Variants in ILK observed in about 807,000 individuals in gnomAD.
ILK encodes integrin linked kinase.
Under a neutral mutation model 57.8 loss-of-function variants are expected in ILK, and 37 were observed. The ratio of observed to expected loss-of-function variants is 0.64; its 90% confidence interval spans 0.49 to 0.84. ILK has a LOEUF of 0.84. ILK is among the 40% of genes least tolerant of loss of function. The probability of loss-of-function intolerance (pLI) is 0.00; values close to 1 mark genes in which losing one functional copy is unlikely to be tolerated. For synonymous variants in ILK, 231 were observed against 202.2 expected, an observed-to-expected ratio of 1.14 and a Z score of -1.21; for missense variants, 528 against 595.7, an observed-to-expected ratio of 0.89 and a Z score of 1.18.
Position 6,609,646 on chromosome 11 carries a change from A to T in ILK, c.856+7A>T. ...GTACTACATGAAGGCACCAGTGAGT[A>T]GGGATGTTGAATTTCCTTGGGGAGG... On this transcript the variant is annotated splice_region_variant and intron_variant, in intron 9 of 12. Coordinates refer to ENST00000299421, the MANE Select transcript of ILK (RefSeq NM_004517.4). 6.2e-7 allele frequency: 1 copy of T among 1,614,174 alleles called. No homozygotes were observed. The highest frequency in any genetic ancestry group is 8.5e-7 in the Non-Finnish European group (1 of 1,180,030).
intron 2 of ILK, chr11:6,607,018 C>A (rs11602107): frequency 0.18 from 27,920 of 152,316 alleles, 3,242 homozygotes; most frequent in Non-Finnish European, 0.25. Context: ...GCCACACCCC[C>A]CAACCCCTTC....
rs776120061 is a variant in ILK, at chr11:6,608,161, A to AC, written c.211dup (p.Leu71ProfsTer11). On this transcript the variant is annotated frameshift_variant, in exon 3 of 13. Coordinates refer to ENST00000299421, the MANE Select transcript of ILK (RefSeq NM_004517.4). LOFTEE classifies it high-confidence loss of function. This position sits in a 1 kb window ranked among gnomAD's most constrained non-coding sequence, Gnocchi z 4.9. The stretch of plus-strand genomic sequence containing the variant: ...CAATGTAATGAACCGTGGGGATGAC[A>AC]CCCCCCTGCATCTGGCAGCCAGTCA... The AC allele has an allele frequency of 6.2e-6, 10 of 1,613,562 alleles. No individual in the cohort carries two copies. Among genetic ancestry groups the AC allele is most frequent in the East Asian group, 2.2e-5 (1 of 44,874 alleles).
At chr11:6,610,094 G>C in intron 11 of ILK, 54 bp from the exon 12 acceptor site, 1 of 1,614,074 alleles carries the variant, frequency 6.2e-7, no homozygotes. Flanking sequence ...TAGTGGAAGG[G>C]GGCAGAGACA....
chr11:6,609,041 G>A, intron 6 of ILK, 30 bp from the exon 7 acceptor site: 1 of 1,612,286 alleles, frequency 6.2e-7, no homozygotes, highest in South Asian at 1.1e-5. Flanking sequence ...TTAGGGTGAA[G>A]CTGGGTACCT....
rs548542841 is a variant in ILK, at chr11:6,609,152, G to A, written c.614G>A (p.Gly205Glu). 2.4e-5 allele frequency: 38 copies of A among 1,613,762 alleles called. No homozygotes were observed. The South Asian group carries it at 3.7e-4, about 16-fold the overall frequency. ...FLTKLNENHSGELWKGRWQGN... is the reference protein window; with the variant it reads ...FLTKLNENHSEELWKGRWQGN... Reference sequence around the variant, plus strand: ...ACGAAGCTCAACGAGAATCACTCTGGAGAGGTGACCCCTGCCCTTCTTGCC... The same window carrying A: ...ACGAAGCTCAACGAGAATCACTCTGAAGAGGTGACCCCTGCCCTTCTTGCC... Residue 205 changes from glycine (G) to glutamate (E), a missense_variant, in exon 7 of 13, where the codon GGA (glycine) becomes GAA (glutamate). Transcript: ENST00000299421.
At chr11:6,604,489 G>A (rs558138591) in intron 2 of ILK, 129 bp downstream of exon 2, 41 of 798,058 alleles carry the variant, frequency 5.1e-5, no homozygotes, top group African/African-American at 5.1e-5. Context: ...CATAGCCTGT[G>A]GGGGGCAGAG....
chr11:6,604,105 T>C (rs2555177), intron 1 of ILK, 75 bp from the exon 2 acceptor site: 1 of 679,588 alleles, frequency 1.5e-6, no homozygotes, highest in Non-Finnish European at 2.6e-6. Context: ...AGCCCCGAAC[T>C]CCTTCACAGA....
At position 6,608,829 on chromosome 11, in the gene ILK, C is replaced by T; in HGVS notation, c.448+39C>T. On this transcript the variant is annotated intron_variant, in intron 5 of 12. Transcript: ENST00000299421. This position sits in a 1 kb window ranked among gnomAD's most constrained non-coding sequence, Gnocchi z 4.9. ...TCCCCTAGCTTGTGTCCTCTCGTCC[C>T]TTCCCACCTGTCTTCTCCCTCTGTA... 1 of 1,612,702 alleles carries T rather than the reference C, an allele frequency of 6.2e-7. No individual in the cohort carries two copies. Among genetic ancestry groups the T allele is most frequent in the Non-Finnish European group, 8.5e-7 (1 of 1,178,722 alleles).
intron 12 of ILK, 32 bp downstream of exon 12, chr11:6,610,310 G>A (rs765395709): frequency 3.7e-5 from 60 of 1,613,948 alleles, no homozygotes; most frequent in Admixed American, 5.0e-5. Context: ...TTTGTGTTGC[G>A]GGAGTGGTTG....
chr11:6,607,860 T>C (rs1473605421), intron 2 of ILK, 186 bp from the exon 3 acceptor site: 16 of 609,398 alleles, frequency 2.6e-5, no homozygotes, highest in Non-Finnish European at 4.4e-5. Context: ...ATCTAGGTGG[T>C]TGGTTTGGTT....
intron 2 of ILK, among the ~76,000 whole-genome samples, chr11:6,605,209 G>A (rs1854739728): frequency 6.6e-6 from 1 of 152,104 alleles, no homozygotes; most frequent in African/African-American, 2.4e-5. Flanking sequence ...ATCTGACTTG[G>A]AGACACAGAT....
Position 6,610,448 on chromosome 11 carries a change from T to C in ILK, c.1210-14T>C. 3 of 1,614,232 alleles carry C rather than the reference T, an allele frequency of 1.9e-6. No individual in the cohort carries two copies. Among genetic ancestry groups the C allele is most frequent in the Non-Finnish European group, 2.5e-6 (3 of 1,180,042 alleles). On this transcript the variant is annotated splice_polypyrimidine_tract_variant and intron_variant, in intron 12 of 12. Coordinates refer to ENST00000299421, the MANE Select transcript of ILK (RefSeq NM_004517.4). Reference sequence around the variant, plus strand: ...ACTCAAATTGTGAGGCTGCTTTTTTTCTTGTATTCGCAGGTGGCATTGGAA... The same window carrying C: ...ACTCAAATTGTGAGGCTGCTTTTTTCCTTGTATTCGCAGGTGGCATTGGAA...
intron 2 of ILK, chr11:6,605,071 T>C (rs893559307): frequency 1.2e-5 from 4 of 345,058 alleles, no homozygotes; most frequent in Non-Finnish European, 2.3e-5. Flanking sequence ...TGGTTGTTTT[T>C]ACTGAGATGG....
At position 6,604,354 on chromosome 11, in the gene ILK, A is replaced by C; in HGVS notation, c.83A>C (p.Asn28Thr). The C allele has an allele frequency of 6.2e-7, 1 of 1,607,686 alleles. No individual in the cohort carries two copies. The highest frequency in any genetic ancestry group is 8.5e-7 in the Non-Finnish European group (1 of 1,177,188). The part of the protein sequence containing the change: ...LWLDNTENDL[N>T]QGDDHGFSPL... ...CTGGACAACACGGAGAACGACCTCA[A>C]CCAGGGGTGAGCTGAAACGGTTGGT... Residue 28 changes from asparagine (N) to threonine (T), a missense_variant, in exon 2 of 13, where the codon AAC (asparagine) becomes ACC (threonine). Asn to Thr is a moderately conservative substitution (Grantham distance 65). Transcript: ENST00000299421.
rs1855173546 is a variant in ILK, at chr11:6,608,579, A to G, written c.351+90A>G. 6 of 1,340,896 alleles carry G rather than the reference A, an allele frequency of 4.5e-6. No homozygotes were observed. Among genetic ancestry groups the G allele is most frequent in the African/African-American group, 1.4e-5 (1 of 69,478 alleles). 83.1% of individuals were successfully genotyped at this position (1,340,896 alleles called of 1,614,324 possible). A position where few individuals can be genotyped will look rare whatever the true frequency, so the allele number is the denominator to read the frequency against. On this transcript the variant is annotated intron_variant, in intron 4 of 12. Coordinates refer to ENST00000299421, the MANE Select transcript of ILK (RefSeq NM_004517.4). This position sits in a 1 kb window ranked among gnomAD's most constrained non-coding sequence, Gnocchi z 4.9. Reference sequence around the variant, plus strand: ...TTTGGAACCCTCAACCCATTCTGTCAGTACTACTGTGTGACACTTACAGGA... The same window carrying G: ...TTTGGAACCCTCAACCCATTCTGTCGGTACTACTGTGTGACACTTACAGGA...
chr11:6,609,928 T>C lies in ILK; in HGVS notation c.979-8T>C, dbSNP rs764825791. The C allele has an allele frequency of 5.6e-6, 9 of 1,614,120 alleles. No homozygotes were observed. In the South Asian group the frequency reaches 8.8e-5, roughly 16 times the overall value. On this transcript the variant is annotated splice_polypyrimidine_tract_variant and splice_region_variant and intron_variant, in intron 10 of 12. Transcript: ENST00000299421. ...CTTACCTCCTTCTATCTGTTTTCTC[T>C]TCCTCAGATTGATGAGGACATGACT...
At position 6,608,031 on chromosome 11, in the gene ILK, GC is replaced by G; in HGVS notation, c.90-11del. 2 of 1,613,516 alleles carry G rather than the reference GC, an allele frequency of 1.2e-6. No homozygotes were observed. The highest frequency in any genetic ancestry group is 1.3e-5 in the African/African-American group (1 of 74,970). On this transcript the variant is annotated splice_polypyrimidine_tract_variant and intron_variant, in intron 2 of 12. Coordinates refer to ENST00000299421, the MANE Select transcript of ILK (RefSeq NM_004517.4). The surrounding 1 kb of genome is among the most constrained non-coding windows in gnomAD (Gnocchi z 4.9). ...TCCCACCTCCAGCTCAATGACCATT[GC>G]CCCTTCCTCAAAGGGACGATCATGG... is the stretch of plus-strand genomic sequence containing the variant.
chr11:6,610,134 C>T lies in ILK; in HGVS notation c.1079-14C>T, dbSNP rs776003441. The stretch of plus-strand genomic sequence containing the variant: ...AGGCAAGGGGGCCAGAACAGACAAG[C>T]CCTATCTCTCCAGCTCTGCAGAAGA... On this transcript the variant is annotated splice_polypyrimidine_tract_variant and intron_variant, in intron 11 of 12. Transcript: ENST00000299421. The T allele has an allele frequency of 1.2e-6, 2 of 1,614,192 alleles. No homozygotes were observed. The highest frequency in any genetic ancestry group is 8.5e-7 in the Non-Finnish European group (1 of 1,180,032).
Position 6,604,307 on chromosome 11 carries a change from C to T in ILK, c.36C>T (p.Asn12=), listed in dbSNP as rs199789449. 1.3e-4 allele frequency: 208 copies of T among 1,612,938 alleles called. 3 individuals are homozygous for T. In the East Asian group the frequency reaches 4.3e-3, roughly 34 times the overall value. Residue 12 remains asparagine, a synonymous_variant, in exon 2 of 13, where the codon AAC becomes AAT. Coordinates refer to ENST00000299421, the MANE Select transcript of ILK (RefSeq NM_004517.4). The part of the protein sequence containing the change: ...DDIFTQCREG[N]AVAVRLWLDN... Reference sequence around the variant, plus strand: ...TTTTCACTCAGTGCCGGGAGGGCAACGCAGTCGCCGTTCGCCTGTGGCTGG... The same window carrying T: ...TTTTCACTCAGTGCCGGGAGGGCAATGCAGTCGCCGTTCGCCTGTGGCTGG...
Sources: allele counts gnomAD v4.1 joint callset (sites outside exome capture counted in the v4.1 genomes callset), GRCh38; gene constraint gnomAD v4.1.1; non-coding constraint Gnocchi (gnomAD v3.1); transcripts MANE v1.5; gene names NCBI Gene and HGNC (gene_info 2026-07-23, HGNC 2026-07-21).